Variants in SGCD observed in about 807,000 individuals in gnomAD.
SGCD encodes delta-sarcoglycan.
Under a neutral mutation model 36.6 loss-of-function variants are expected in SGCD, and 18 were observed. The observed-to-expected ratio is 0.49, with a 90% CI of 0.34 to 0.73. The LOEUF (loss-of-function observed/expected upper bound fraction) is 0.73, where lower values mean the gene tolerates loss of function less well. Ranked by LOEUF, SGCD falls within the 30% of genes least tolerant of loss-of-function variation. The probability of loss-of-function intolerance (pLI) is 0.01; values close to 1 mark genes in which losing one functional copy is unlikely to be tolerated. For missense variants in SGCD, 387 were observed against 346.7 expected, an observed-to-expected ratio of 1.12 and a Z score of -0.92; for synonymous variants, 133 against 130.6, an observed-to-expected ratio of 1.02 and a Z score of -0.12.
chr5:156,317,493 C>G (rs545958337), intron 3 of SGCD, among the ~76,000 whole-genome samples: 37 of 152,184 alleles, frequency 2.4e-4, no homozygotes, highest in African/African-American at 8.4e-4. Flanking sequence ...AAAAGTTTTG[C>G]CTTACACAGT....
chr5:156,432,936 T>C (rs1460182210), intron 3 of SGCD, among the ~76,000 whole-genome samples: 1 of 152,172 alleles, frequency 6.6e-6, no homozygotes, highest in Non-Finnish European at 1.5e-5. Context: ...CCTTCCTATA[T>C]GCCTGTAATG....
chr5:156,249,895 A>G (rs1765533541), intron 3 of SGCD, among the ~76,000 whole-genome samples: 3 of 152,364 alleles, frequency 2.0e-5, no homozygotes. Flanking sequence ...GTAAGTGAGA[A>G]AATTATAATG....
intron 7 of SGCD, among the ~76,000 whole-genome samples, chr5:156,751,276 C>T (rs982679524): frequency 1.3e-5 from 2 of 151,978 alleles, no homozygotes; most frequent in Non-Finnish European, 2.9e-5. Context: ...AGATAATCTC[C>T]ATCTCTTTTG....
chr5:156,623,737 A>G (rs73301108), intron 6 of SGCD, among the ~76,000 whole-genome samples: 7,951 of 152,288 alleles, frequency 0.052, 686 homozygotes, highest in African/African-American at 0.18. Context: ...CAGGGTGCCT[A>G]TGAGCTATGA....
intron 7 of SGCD, among the ~76,000 whole-genome samples, chr5:156,676,628 C>G (rs1753524256): frequency 6.6e-6 from 1 of 152,112 alleles, no homozygotes; most frequent in African/African-American, 2.4e-5. Flanking sequence ...CACCCAAAAA[C>G]CTTGATGAGC....
intron 4 of SGCD, among the ~76,000 whole-genome samples, chr5:156,519,110 A>G (rs551663762): frequency 6.6e-6 from 1 of 152,046 alleles, no homozygotes; most frequent in East Asian, 1.9e-4. Context: ...GACTAATAAG[A>G]GAAGAATCAG....
chr5:155,734,597 A>G, the SGCD span, among the ~76,000 whole-genome samples: 1 of 152,140 alleles, frequency 6.6e-6, no homozygotes, highest in Non-Finnish European at 1.5e-5. Flanking sequence ...GCTGTGAGTC[A>G]CTGGTCCTTA....
At chr5:156,621,466 C>T (rs2113499116) in intron 6 of SGCD, among the ~76,000 whole-genome samples, 1 of 152,234 alleles carries the variant, frequency 6.6e-6, no homozygotes, top group South Asian at 2.1e-4. Flanking sequence ...GCTGGGATTA[C>T]AGGCGTGAGC....
At chr5:156,453,738 AAAAC>A (rs201962259) in intron 3 of SGCD, among the ~76,000 whole-genome samples, 9 of 152,182 alleles carry the variant, frequency 5.9e-5, no homozygotes, top group Non-Finnish European at 1.0e-4. Context: ...CCTGGAATAA[AAAAC>A]AAACAAACAA....
At chr5:155,891,684 T>C (rs1756135117) in intron 1 of SGCD, among the ~76,000 whole-genome samples, 1 of 150,130 alleles carries the variant, frequency 6.7e-6, no homozygotes, top group South Asian at 2.1e-4. Flanking sequence ...GCATGCACCA[T>C]GTCTGGCAGA....
chr5:156,311,762 G>C (rs533459375), intron 3 of SGCD, among the ~76,000 whole-genome samples: 3 of 152,166 alleles, frequency 2.0e-5, no homozygotes, highest in Admixed American at 6.5e-5. Flanking sequence ...AAAAAGTTTG[G>C]AAAACACTCA....
At chr5:155,936,314 G>A (rs1448616497) in intron 1 of SGCD, among the ~76,000 whole-genome samples, 1 of 152,202 alleles carries the variant, frequency 6.6e-6, no homozygotes, top group African/African-American at 2.4e-5. Context: ...TGAGCAAGGC[G>A]GAGAGGAGAT....
the SGCD span, among the ~76,000 whole-genome samples, chr5:155,730,366 T>C: frequency 2.0e-5 from 3 of 152,006 alleles, no homozygotes; most frequent in Admixed American, 6.6e-5. Flanking sequence ...GGGACAATTA[T>C]CCGCATTCAT....
intron 6 of SGCD, among the ~76,000 whole-genome samples, chr5:156,629,322 G>T (rs902161201): frequency 2.0e-5 from 3 of 152,184 alleles, no homozygotes; most frequent in African/African-American, 7.2e-5. Flanking sequence ...ATAATAAGGT[G>T]ATAATAAATG....
chr5:156,529,511 C>CAA (rs1198885257), intron 4 of SGCD, among the ~76,000 whole-genome samples: 3 of 136,246 alleles, frequency 2.2e-5, no homozygotes, highest in Admixed American at 7.4e-5. Flanking sequence ...ATGTTGTTGG[C>CAA]AAAAAAAAAA....
the SGCD span, among the ~76,000 whole-genome samples, chr5:155,861,123 T>C: frequency 6.6e-6 from 1 of 152,192 alleles, no homozygotes; most frequent in Non-Finnish European, 1.5e-5. Context: ...ACCGAATTCC[T>C]ACAACGTGCC....
the SGCD span, among the ~76,000 whole-genome samples, chr5:155,827,776 T>C: frequency 1.4e-5 from 2 of 147,136 alleles, no homozygotes; most frequent in Admixed American, 1.4e-4. Flanking sequence ...TCTCCCAGGT[T>C]CAAGCAATTC....
rs374110017 is a variant in SGCD, at chr5:156,357,567, G to A, written c.192+12890G>A. On this transcript the variant is annotated intron_variant, in intron 3 of 8. Transcript: ENST00000337851. ...TCGACTCAAGCGGTTTTATTCTCATGAAAAATTTTAAGGGGTCATACTAAC... is the reference window on the plus strand; with the variant it reads ...TCGACTCAAGCGGTTTTATTCTCATAAAAAATTTTAAGGGGTCATACTAAC... 2.6e-4 allele frequency among the ~76,000 whole-genome samples: 40 copies of A among 152,234 alleles called. No homozygotes were observed. In the East Asian group the frequency reaches 5.2e-3, roughly 20 times the overall value.
At chr5:156,052,421 C>A (rs1209149902) in intron 1 of SGCD, among the ~76,000 whole-genome samples, 4 of 146,180 alleles carry the variant, frequency 2.7e-5, no homozygotes, top group Non-Finnish European at 6.2e-5. Flanking sequence ...GAACTTCATG[C>A]TAAGTGTGAT....
Sources: gnomAD v4.1 joint callset for allele counts (sites outside exome capture counted in the v4.1 genomes callset) on GRCh38, gnomAD v4.1.1 for gene constraint, MANE v1.5 for transcripts, NCBI Gene and HGNC (gene_info 2026-07-23, HGNC 2026-07-21) for gene names.